PLPP3: variants seen among roughly 807,000 people sequenced by gnomAD.
PLPP3 encodes phospholipid phosphatase 3, also known as PAP2 beta.
Under a neutral mutation model 29.6 loss-of-function variants are expected in PLPP3, and 6 were observed. The ratio of observed to expected loss-of-function variants is 0.20; its 90% CI spans 0.11 to 0.40. PLPP3 has a LOEUF of 0.40. Among genes scored for constraint, PLPP3 ranks in the 10% least tolerant of loss-of-function variants. The pLI, the probability that PLPP3 is intolerant of heterozygous loss-of-function variation, is 1.00. For synonymous variants in PLPP3, 152 were observed against 159.7 expected (o/e 0.95, Z 0.36); for missense variants, 308 against 407.7 (o/e 0.76, Z 2.11).
In PLPP3 at chr1:56,514,304, G is replaced by A. The variant is rs1645766666; in HGVS notation, c.634-2152C>T. On this transcript the variant is annotated intron_variant, in intron 4 of 5. Coordinates refer to ENST00000371250, the MANE Select transcript of PLPP3 (RefSeq NM_003713.5). ...GAATGAGTATTTGCTGGGTTTAAGG[G>A]GGCAGGAGTGGGGGATATATATTCC... is the stretch of plus-strand genomic sequence containing the variant. Among the ~76,000 whole-genome samples the A allele has an allele frequency of 2.0e-5, 3 of 151,646 alleles. No homozygotes were observed. The South Asian group carries it at 6.3e-4, about 32-fold the overall frequency.
intron 1 of PLPP3, among the ~76,000 whole-genome samples, chr1:56,537,482 G>A (rs927969730): frequency 3.9e-5 from 6 of 152,078 alleles, no homozygotes; most frequent in East Asian, 1.9e-4. Flanking sequence ...ATGCTTCCAA[G>A]GGCATTCATT....
chr1:56,572,190 C>T (rs2100310470), intron 1 of PLPP3, among the ~76,000 whole-genome samples: 1 of 151,536 alleles, frequency 6.6e-6, no homozygotes, highest in East Asian at 1.9e-4. Context: ...GCTGGGATTA[C>T]AGGCACACAC....
At chr1:56,499,012 G>A (rs1426920936) in intron 5 of PLPP3, among the ~76,000 whole-genome samples, 2 of 152,076 alleles carry the variant, frequency 1.3e-5, no homozygotes, top group Non-Finnish European at 2.9e-5. Context: ...ATTTCTTAGA[G>A]CTTTCTCCCA....
chr1:56,556,946 G>GAC (rs1304274020), intron 1 of PLPP3, among the ~76,000 whole-genome samples: 1 of 104,046 alleles, frequency 9.6e-6, no homozygotes, highest in African/African-American at 3.7e-5. Context: ...GAGAGAGAGA[G>GAC]ACAGAGAGAA....
Position 56,495,384 on chromosome 1 carries a change from T to A in PLPP3, c.*1167A>T, listed in dbSNP as rs960917952. 1.3e-5 allele frequency: 2 copies of A among 152,564 alleles called. No homozygotes were observed. The highest frequency in any genetic ancestry group is 2.9e-5 in the Non-Finnish European group (2 of 68,036). 9.5% of individuals were successfully genotyped at this position (152,564 alleles called of 1,614,324 possible). A position where few individuals can be genotyped will look rare whatever the true frequency, so the allele number is the denominator to read the frequency against. ...CTTACGGATAGAGGATGAGGGAAAC[T>A]CTCTACCGAGATTTAACCCATATGT... On this transcript the variant is annotated 3_prime_UTR_variant, in exon 6 of 6. Coordinates refer to ENST00000371250, the MANE Select transcript of PLPP3 (RefSeq NM_003713.5).
rs1553140315 is a variant in PLPP3, at chr1:56,567,420, TG to T, written c.139+11457del. ...TTTTTTTTTTTTTTTTTTTTTGAGA[TG>T]GAGTCTCGCTCTGTCACCCAGGCTG... On this transcript the variant is annotated intron_variant, in intron 1 of 5. Coordinates refer to ENST00000371250, the MANE Select transcript of PLPP3 (RefSeq NM_003713.5). 6.4e-3 allele frequency among the ~76,000 whole-genome samples: 451 copies of T among 70,574 alleles called. 4 individuals are homozygous for T. The highest frequency in any genetic ancestry group is 0.015 in the African/African-American group (316 of 21,636). The allele number at this position is 70,574 out of a possible 152,430, so 46.3% of individuals were successfully genotyped here.
intron 1 of PLPP3, among the ~76,000 whole-genome samples, chr1:56,550,641 C>T (rs1184309006): frequency 6.6e-6 from 1 of 152,150 alleles, no homozygotes; most frequent in African/African-American, 2.4e-5. Context: ...GCCCCTCCTC[C>T]CCTTGTAACC....
At chr1:56,516,030 T>A (rs1226020790) in intron 4 of PLPP3, among the ~76,000 whole-genome samples, 2 of 152,178 alleles carry the variant, frequency 1.3e-5, no homozygotes, top group African/African-American at 2.4e-5. Context: ...ATTTACTCAA[T>A]GACTGTGGCA....
chr1:56,572,459 C>A (rs1346272379), intron 1 of PLPP3, among the ~76,000 whole-genome samples: 4 of 152,206 alleles, frequency 2.6e-5, no homozygotes, highest in Admixed American at 2.0e-4. Context: ...CCCACCCTTC[C>A]TAAGGCATAT....
chr1:56,512,405 T>C, intron 4 of PLPP3: 1 of 389,788 alleles, frequency 2.6e-6, no homozygotes, highest in Non-Finnish European at 4.6e-6. Flanking sequence ...TGAGGTCAGG[T>C]GTTTGAGACC....
At chr1:56,552,124 T>C (rs916538173) in intron 1 of PLPP3, among the ~76,000 whole-genome samples, 1 of 151,846 alleles carries the variant, frequency 6.6e-6, no homozygotes, top group African/African-American at 2.4e-5. Flanking sequence ...ACCTGAAGGC[T>C]AAGGCATATT....
At position 56,495,342 on chromosome 1, in the gene PLPP3, C is replaced by G. The variant is rs1299905557; in HGVS notation, c.*1209G>C. 6.6e-6 allele frequency: 1 copy of G among 152,552 alleles called. No homozygotes were observed. Among genetic ancestry groups the G allele is most frequent in the Non-Finnish European group, 1.5e-5 (1 of 68,034 alleles). The allele number at this position is 152,552 out of a possible 1,614,324, so 9.4% of individuals were successfully genotyped here. The stretch of plus-strand genomic sequence containing the variant: ...TCCCTGTCTATCACCTAGAGTGGGA[C>G]CTTGCATGGAAGGACACTTACGGAT... On this transcript the variant is annotated 3_prime_UTR_variant, in exon 6 of 6. Transcript: ENST00000371250.
At chr1:56,564,902 A>T (rs566837572) in intron 1 of PLPP3, among the ~76,000 whole-genome samples, 8 of 152,214 alleles carry the variant, frequency 5.3e-5, no homozygotes, top group Non-Finnish European at 1.0e-4. Context: ...ACAACTTTGG[A>T]AATATTTTTA....
chr1:56,565,576 G>A (rs1203165989), intron 1 of PLPP3, among the ~76,000 whole-genome samples: 1 of 151,994 alleles, frequency 6.6e-6, no homozygotes, highest in Non-Finnish European at 1.5e-5. Context: ...ACCCGCAACC[G>A]CACCCGGCTA....
At chr1:56,570,217 G>A (rs1646188276) in intron 1 of PLPP3, among the ~76,000 whole-genome samples, 1 of 152,158 alleles carries the variant, frequency 6.6e-6, no homozygotes, top group Non-Finnish European at 1.5e-5. Flanking sequence ...AAACTAATTT[G>A]GGGGCCAGAT....
At chr1:56,509,515 C>T (rs1645725723) in intron 5 of PLPP3, among the ~76,000 whole-genome samples, 2 of 152,130 alleles carry the variant, frequency 1.3e-5, no homozygotes, top group African/African-American at 4.8e-5. Context: ...TGTAAAATGG[C>T]TGTAGTACAA....
chr1:56,515,769 A>G (rs1255353630), intron 4 of PLPP3, among the ~76,000 whole-genome samples: 2 of 152,216 alleles, frequency 1.3e-5, no homozygotes, highest in African/African-American at 4.8e-5. Context: ...AAAGCAGTGC[A>G]ATAGTAAAGT....
intron 1 of PLPP3, among the ~76,000 whole-genome samples, chr1:56,571,507 A>T (rs955171248): frequency 6.6e-6 from 1 of 152,220 alleles, no homozygotes; most frequent in African/African-American, 2.4e-5. Context: ...TCTAACTGAC[A>T]TTAAAAAATG....
chr1:56,528,340 A>G (rs1170190495), intron 2 of PLPP3, among the ~76,000 whole-genome samples: 1 of 152,204 alleles, frequency 6.6e-6, no homozygotes, highest in Admixed American at 6.5e-5. Context: ...TTCTGGTGAA[A>G]AAGAGCTCAA....
Sources: gnomAD v4.1 joint callset for allele counts (sites outside exome capture counted in the v4.1 genomes callset) on GRCh38, gnomAD v4.1.1 for gene constraint, MANE v1.5 for transcripts, NCBI Gene and HGNC (gene_info 2026-07-23, HGNC 2026-07-21) for gene names.